The following ABCB5 variants were observed in gnomAD, a reference collection of about 807,000 sequenced individuals.
ABCB5 encodes ATP binding cassette subfamily B member 5.
ABCB5 carries 155 observed loss-of-function variants against 144.2 expected under a neutral mutation model. The observed-to-expected ratio is 1.08, with a 90% CI of 0.94 to 1.23. The LOEUF is 1.23. ABCB5 is among the 50% of genes most tolerant of loss of function. The pLI, the probability that ABCB5 is intolerant of heterozygous loss-of-function variation, is 0.00. For synonymous variants in ABCB5, 610 were observed against 528.6 expected (o/e 1.15, Z -2.11); for missense variants, 1,830 against 1,520.8 (o/e 1.20, Z -3.38).
intron 20 of ABCB5, among the ~76,000 whole-genome samples, chr7:20,716,231 G>A (rs889753736): frequency 6.6e-6 from 1 of 152,054 alleles, no homozygotes; most frequent in Non-Finnish European, 1.5e-5. Flanking sequence ...AATATTAAAA[G>A]AAACTTCCAA....
At chr7:20,723,656 C>T (rs374739169) in intron 21 of ABCB5, among the ~76,000 whole-genome samples, 22 of 152,206 alleles carry the variant, frequency 1.4e-4, no homozygotes, top group Non-Finnish European at 2.8e-4. Context: ...ACAGTAAGCA[C>T]GTACTAATGT....
intron 2 of ABCB5, among the ~76,000 whole-genome samples, chr7:20,623,776 C>T (rs147446340): frequency 3.1e-4 from 47 of 152,238 alleles, no homozygotes; most frequent in African/African-American, 9.9e-4. Context: ...AGTTTCTACA[C>T]GTGGAATTCA....
chr7:20,621,354 T>C (rs2128016137), intron 1 of ABCB5, among the ~76,000 whole-genome samples: 1 of 152,234 alleles, frequency 6.6e-6, no homozygotes. Context: ...CCCACTGAAT[T>C]GTGTACTTCA....
chr7:20,667,388 A>G, intron 14 of ABCB5: 3 of 985,566 alleles, frequency 3.0e-6, no homozygotes, highest in Non-Finnish European at 3.6e-6. Context: ...TGTATCAGGA[A>G]ACCCTGTGAT....
At chr7:20,743,146 G>C in intron 25 of ABCB5, 72 bp downstream of exon 25, 1 of 1,514,276 alleles carries the variant, frequency 6.6e-7, no homozygotes, top group Non-Finnish European at 9.0e-7. Context: ...TAGGGCTTAA[G>C]CATCCCCACT....
At position 20,637,317 on chromosome 7, in the gene ABCB5, G is replaced by A. The variant is rs370226556; in HGVS notation, c.314+5204G>A. ...TCAGAAAATTTTTCTAAAAATAGTT[G>A]AATCTTTTCTTGCTGACTCCAGACT... On this transcript the variant is annotated intron_variant, in intron 5 of 27. Coordinates refer to ENST00000404938, the MANE Select transcript of ABCB5 (RefSeq NM_001163941.2). 7.2e-5 allele frequency among the ~76,000 whole-genome samples: 11 copies of A among 152,124 alleles called. No individual in the cohort carries two copies. In the South Asian group the frequency reaches 2.3e-3, roughly 32 times the overall value.
intron 24 of ABCB5, among the ~76,000 whole-genome samples, chr7:20,741,540 C>T (rs991091609): frequency 6.8e-6 from 1 of 147,866 alleles, no homozygotes; most frequent in African/African-American, 2.5e-5. Flanking sequence ...TACTACACTA[C>T]TTTTAAATTT....
chr7:20,622,125 C>T (rs758919255), intron 1 of ABCB5, among the ~76,000 whole-genome samples: 3 of 152,116 alleles, frequency 2.0e-5, no homozygotes, highest in Non-Finnish European at 2.9e-5. Context: ...GAATAGAACG[C>T]ATACATGATT....
intron 23 of ABCB5, among the ~76,000 whole-genome samples, chr7:20,729,790 A>T (rs1183513951): frequency 6.6e-6 from 1 of 152,230 alleles, no homozygotes; most frequent in Non-Finnish European, 1.5e-5. Context: ...GCCTCTTCAC[A>T]ATAATGAATT....
At chr7:20,681,234 C>G (rs898685643) in intron 14 of ABCB5, among the ~76,000 whole-genome samples, 2 of 151,866 alleles carry the variant, frequency 1.3e-5, no homozygotes, top group African/African-American at 4.8e-5. Flanking sequence ...TCAAGCGATT[C>G]TCCTGCCTCA....
intron 1 of ABCB5, among the ~76,000 whole-genome samples, chr7:20,618,693 C>G (rs1216401729): frequency 1.4e-5 from 2 of 145,874 alleles, no homozygotes; most frequent in Admixed American, 6.9e-5. Flanking sequence ...TGTTAATTCA[C>G]TTAAGATAAT....
chr7:20,754,892 A>G (rs1196212206), intron 27 of ABCB5, among the ~76,000 whole-genome samples: 2 of 152,184 alleles, frequency 1.3e-5, no homozygotes, highest in African/African-American at 2.4e-5. Flanking sequence ...TTTCATTTTT[A>G]TTCATTCTCA....
At chr7:20,636,032 G>C (rs533769489) in intron 5 of ABCB5, among the ~76,000 whole-genome samples, 1 of 152,126 alleles carries the variant, frequency 6.6e-6, no homozygotes, top group Non-Finnish European at 1.5e-5. Context: ...CATAGATACT[G>C]AACATTTTTT....
intron 14 of ABCB5, among the ~76,000 whole-genome samples, chr7:20,663,502 G>A (rs745622140): frequency 3.9e-5 from 6 of 152,092 alleles, no homozygotes; most frequent in Non-Finnish European, 8.8e-5. Flanking sequence ...GATCCATATT[G>A]CTTAATTCTG....
At chr7:20,732,680 C>T (rs1782259902) in intron 23 of ABCB5, among the ~76,000 whole-genome samples, 1 of 152,176 alleles carries the variant, frequency 6.6e-6, no homozygotes, top group South Asian at 2.1e-4. Flanking sequence ...TTTCTACACC[C>T]ATATGTCTAA....
At chr7:20,705,665 T>A (rs910924628) in intron 20 of ABCB5, among the ~76,000 whole-genome samples, 1 of 152,146 alleles carries the variant, frequency 6.6e-6, no homozygotes. Context: ...ATCTTACAAG[T>A]ATTTATTCTG....
chr7:20,662,091 A>G (rs1243605988), intron 14 of ABCB5, among the ~76,000 whole-genome samples: 1 of 152,220 alleles, frequency 6.6e-6, no homozygotes, highest in East Asian at 1.9e-4. Context: ...TTCTGTGATA[A>G]AGCCTGTGAA....
chr7:20,673,287 T>C (rs1474536636), intron 14 of ABCB5, among the ~76,000 whole-genome samples: 2 of 152,068 alleles, frequency 1.3e-5, no homozygotes, highest in East Asian at 3.8e-4. Flanking sequence ...TGTGTTGAGT[T>C]GGTTGATACT....
intron 4 of ABCB5, among the ~76,000 whole-genome samples, chr7:20,630,300 C>T (rs1311709462): frequency 3.9e-5 from 6 of 151,978 alleles, no homozygotes; most frequent in African/African-American, 1.4e-4. Flanking sequence ...TTTCTTTGTT[C>T]AGTCTACTTC....
Sources: allele counts gnomAD v4.1 joint callset (sites outside exome capture counted in the v4.1 genomes callset), GRCh38; gene constraint gnomAD v4.1.1; transcripts MANE v1.5; gene names NCBI Gene and HGNC (gene_info 2026-07-23, HGNC 2026-07-21).